The following NPAS3 variants were observed in gnomAD, a reference collection of about 807,000 sequenced individuals.
NPAS3 encodes the protein neuronal PAS domain protein 3.
NPAS3 carries 14 observed loss-of-function variants against 73.1 expected under a neutral mutation model. The observed-to-expected ratio is 0.19, with a 90% CI of 0.13 to 0.30. NPAS3 has a LOEUF of 0.30. Among genes scored for constraint, NPAS3 ranks in the 10% least tolerant of loss-of-function variants. The pLI, the probability that NPAS3 is intolerant of heterozygous loss-of-function variation, is 1.00. For missense variants in NPAS3, 1,096 were observed against 1,250.0 expected (o/e 0.88, Z 1.86); for synonymous variants, 620 against 541.5 (o/e 1.14, Z -2.01).
At position 33,617,275 on chromosome 14, in the gene NPAS3, T is replaced by G. The variant is rs1254245593; in HGVS notation, c.558+57065T>G. Among the ~76,000 whole-genome samples the G allele has an allele frequency of 3.3e-5, 5 of 152,350 alleles. No individual in the cohort carries two copies. In the East Asian group the frequency reaches 9.6e-4, roughly 29 times the overall value. On this transcript the variant is annotated intron_variant, in intron 5 of 11. Transcript: ENST00000356141. ...GCCAAACACTCAAGCTTTATTAATG[T>G]ATTCCATTTACTGACTCATAGCAAA...
intron 3 of NPAS3, among the ~76,000 whole-genome samples, chr14:33,225,078 T>C (rs979682194): frequency 5.9e-5 from 9 of 152,166 alleles, no homozygotes; most frequent in Non-Finnish European, 5.9e-5. Context: ...AACTGGTCAA[T>C]ATTGAGTCCC....
At chr14:33,208,557 G>C (rs1342196558) in intron 2 of NPAS3, among the ~76,000 whole-genome samples, 1 of 152,128 alleles carries the variant, frequency 6.6e-6, no homozygotes, top group East Asian at 1.9e-4. Context: ...AAAACTCTAA[G>C]TATACATCTT....
At chr14:33,500,452 C>T (rs1283476943) in intron 4 of NPAS3, among the ~76,000 whole-genome samples, 1 of 151,880 alleles carries the variant, frequency 6.6e-6, no homozygotes, top group East Asian at 1.9e-4. Flanking sequence ...ATCTAGAAGG[C>T]TGCTACAGAT....
rs573059891 is a variant in NPAS3, at chr14:33,011,429, A to G, written c.51-44476A>G. 7.9e-5 allele frequency among the ~76,000 whole-genome samples: 12 copies of G among 152,310 alleles called. No individual in the cohort carries two copies. In the East Asian group the frequency reaches 2.3e-3, roughly 29 times the overall value. Reference sequence around the variant, plus strand: ...ACTGAGACGATGTAGACATGCCAGCAGGTCACTTAATGTGCACAGCCTTGG... The same window carrying G: ...ACTGAGACGATGTAGACATGCCAGCGGGTCACTTAATGTGCACAGCCTTGG... On this transcript the variant is annotated intron_variant, in intron 1 of 11. Transcript: ENST00000356141.
intron 3 of NPAS3, among the ~76,000 whole-genome samples, chr14:33,344,199 T>G (rs1183383737): frequency 6.6e-6 from 1 of 152,180 alleles, no homozygotes; most frequent in Non-Finnish European, 1.5e-5. Flanking sequence ...AACAACAAAC[T>G]TGGTTTCTTT....
At chr14:33,342,733 G>T (rs1304353342) in intron 3 of NPAS3, among the ~76,000 whole-genome samples, 1 of 152,032 alleles carries the variant, frequency 6.6e-6, no homozygotes, top group Non-Finnish European at 1.5e-5. Context: ...TTTTTATAAA[G>T]TTTATTGCCC....
chr14:33,065,577 T>C (rs779371500), intron 2 of NPAS3, among the ~76,000 whole-genome samples: 9 of 152,090 alleles, frequency 5.9e-5, no homozygotes, highest in Non-Finnish European at 1.0e-4. Context: ...GATTCGTATA[T>C]CAATTTGAGA....
At chr14:33,682,600 G>C (rs2059970419) in intron 6 of NPAS3, among the ~76,000 whole-genome samples, 1 of 152,074 alleles carries the variant, frequency 6.6e-6, no homozygotes, top group Non-Finnish European at 1.5e-5. Flanking sequence ...TTTTTCATGA[G>C]CGAAGTAGGC....
At chr14:33,065,562 G>A (rs767966879) in intron 2 of NPAS3, among the ~76,000 whole-genome samples, 1 of 152,040 alleles carries the variant, frequency 6.6e-6, no homozygotes, top group East Asian at 1.9e-4. Flanking sequence ...AATTTGAGAC[G>A]TTGTGATTCG....
intron 3 of NPAS3, among the ~76,000 whole-genome samples, chr14:33,259,127 C>A (rs1356843152): frequency 2.6e-5 from 4 of 152,158 alleles, no homozygotes; most frequent in African/African-American, 9.7e-5. Context: ...AGCTGTAGCT[C>A]TTTATACTTA....
chr14:33,085,608 GC>G (rs1016020481), intron 2 of NPAS3, among the ~76,000 whole-genome samples: 1 of 152,068 alleles, frequency 6.6e-6, no homozygotes, highest in Non-Finnish European at 1.5e-5. Flanking sequence ...TGCAAGCTGA[GC>G]CCCCCCAACA....
intron 6 of NPAS3, among the ~76,000 whole-genome samples, chr14:33,722,492 G>A (rs528922683): frequency 1.3e-5 from 2 of 152,170 alleles, no homozygotes; most frequent in East Asian, 1.9e-4. Context: ...ACCTAATGTC[G>A]AGTTCAGATA....
intron 3 of NPAS3, among the ~76,000 whole-genome samples, chr14:33,319,831 C>T (rs1027987251): frequency 5.9e-5 from 9 of 152,146 alleles, no homozygotes; most frequent in African/African-American, 2.2e-4. Flanking sequence ...CAGTTTTTTG[C>T]ACATCTGCCT....
chr14:33,130,187 G>C (rs2043583199), intron 2 of NPAS3, among the ~76,000 whole-genome samples: 1 of 152,124 alleles, frequency 6.6e-6, no homozygotes, highest in South Asian at 2.1e-4. Flanking sequence ...GACCATAATG[G>C]AGGATTTGTT....
At chr14:33,365,710 T>C (rs1566835822) in intron 3 of NPAS3, among the ~76,000 whole-genome samples, 3 of 152,330 alleles carry the variant, frequency 2.0e-5, no homozygotes, top group Admixed American at 6.5e-5. Flanking sequence ...CACACACGCA[T>C]TTTCACAGTG....
intron 2 of NPAS3, among the ~76,000 whole-genome samples, chr14:33,123,297 G>C (rs1368975028): frequency 6.6e-6 from 1 of 152,088 alleles, no homozygotes; most frequent in Non-Finnish European, 1.5e-5. Context: ...TAGAGACAAA[G>C]TGGGGAGCCA....
chr14:33,274,989 A>G (rs2041262423), intron 3 of NPAS3, among the ~76,000 whole-genome samples: 1 of 152,200 alleles, frequency 6.6e-6, no homozygotes, highest in Non-Finnish European at 1.5e-5. Flanking sequence ...CAAGTTCTCA[A>G]ATCTGAATCA....
upstream of NPAS3, among the ~76,000 whole-genome samples, chr14:32,936,156 C>T (rs193151888): frequency 0.011 from 1,663 of 152,350 alleles, 19 homozygotes; most frequent in Non-Finnish European, 0.018. Context: ...TTAAGATAAT[C>T]TATCACTGCC....
At chr14:33,791,179 C>T (rs939346718) in intron 9 of NPAS3, among the ~76,000 whole-genome samples, 2 of 152,160 alleles carry the variant, frequency 1.3e-5, no homozygotes, top group Non-Finnish European at 2.9e-5. Context: ...CCTCTTCAGC[C>T]GCCCACGGTG....
Sources: gnomAD v4.1 joint callset for allele counts (sites outside exome capture counted in the v4.1 genomes callset) on GRCh38, gnomAD v4.1.1 for gene constraint, MANE v1.5 for transcripts, NCBI Gene and HGNC (gene_info 2026-07-23, HGNC 2026-07-21) for gene names.